NDUFAF6: variants seen among roughly 807,000 people sequenced by gnomAD.
NDUFAF6 encodes NADH:ubiquinone oxidoreductase complex assembly factor 6.
NDUFAF6 carries 45 observed loss-of-function variants against 40.8 expected under a neutral mutation model. That is an observed-to-expected ratio of 1.10 (90% CI 0.87 to 1.42). NDUFAF6 has a LOEUF of 1.42. NDUFAF6 is among the 40% of genes most tolerant of loss of function. The pLI is 0.00. For synonymous variants in NDUFAF6, 185 were observed against 155.9 expected (o/e 1.19, Z -1.39); for missense variants, 435 against 418.5 (o/e 1.04, Z -0.34).
At chr8:95,076,052 C>T (rs1429599676) in exon 10 of NDUFAF6, 2 of 167,516 alleles carry the variant, frequency 1.2e-5, no homozygotes, top group African/African-American at 4.8e-5. Context: ...TAAAAGGGCT[C>T]AATTTTTACA....
Position 94,961,525 on chromosome 8 carries a change from G to A in NDUFAF6, c.-199+3346G>A, listed in dbSNP as rs544002121. 4.7e-3 allele frequency among the ~76,000 whole-genome samples: 712 copies of A among 152,280 alleles called. 7 individuals are homozygous for A. Among genetic ancestry groups the A allele is most frequent in the Non-Finnish European group, 7.2e-3 (489 of 68,022 alleles). On this transcript the variant is annotated intron_variant, in intron 1 of 9. Transcript: ENST00000396111. The stretch of plus-strand genomic sequence containing the variant: ...CAACCTCCGCCTCCCGGGCTCCAGC[G>A]ATTTTCCTGCCTCAGCCTCCCAGGT...
chr8:94,952,872 C>T (rs1042893318), intron 2 of NDUFAF6, among the ~76,000 whole-genome samples: 13 of 152,180 alleles, frequency 8.5e-5, no homozygotes, highest in African/African-American at 2.7e-4. Context: ...AAAAAGGAGG[C>T]GGGCCCCCTT....
chr8:94,917,669 CAAAT>C (rs1326654634), intron 1 of NDUFAF6, among the ~76,000 whole-genome samples: 4 of 152,020 alleles, frequency 2.6e-5, no homozygotes, highest in African/African-American at 7.2e-5. Flanking sequence ...CAGAAAATGT[CAAAT>C]AAATGTACAA....
At chr8:94,930,656 A>G (rs1282898277) in intron 1 of NDUFAF6, 7 of 1,614,254 alleles carry the variant, frequency 4.3e-6, no homozygotes, top group Non-Finnish European at 5.9e-6. Flanking sequence ...GTTGTTCCAG[A>G]AAAGTTGTAT....
At chr8:95,034,361 C>G (rs1346585497) in intron 2 of NDUFAF6, among the ~76,000 whole-genome samples, 4 of 152,134 alleles carry the variant, frequency 2.6e-5, no homozygotes, top group African/African-American at 4.8e-5. Context: ...TGATGCAGTA[C>G]TTTTATTTGA....
At chr8:95,063,671 A>G (rs1832626608), downstream of NDUFAF6, among the ~76,000 whole-genome samples, 2 of 152,206 alleles carry the variant, frequency 1.3e-5, no homozygotes, top group African/African-American at 2.4e-5. Flanking sequence ...TTTAATCACG[A>G]TTAATCTTCC....
chr8:95,058,173 C>T lies in NDUFAF6; in HGVS notation c.*236C>T, dbSNP rs1587204275. The T allele has an allele frequency of 7.0e-7, 1 of 1,422,266 alleles. No individual in the cohort carries two copies. Among genetic ancestry groups the T allele is most frequent in the East Asian group, 2.5e-5 (1 of 39,522 alleles). The allele number at this position is 1,422,266 out of a possible 1,614,324, so 88.1% of individuals were successfully genotyped here. The stretch of plus-strand genomic sequence containing the variant: ...CCCAGACAGTGTCTGCTGTGCTGTC[C>T]CTGGAAGCTGGAGCTCCAACAGGGA... On this transcript the variant is annotated 3_prime_UTR_variant, in exon 9 of 9. Transcript: ENST00000396124.
At chr8:95,070,025 T>A (rs1213839268) in intron 9 of NDUFAF6, among the ~76,000 whole-genome samples, 1 of 151,678 alleles carries the variant, frequency 6.6e-6, no homozygotes, top group Non-Finnish European at 1.5e-5. Context: ...CCTTCACTCA[T>A]GAACTGTGTA....
chr8:94,960,305 G>A (rs1413534816), intron 1 of NDUFAF6, among the ~76,000 whole-genome samples: 1 of 152,164 alleles, frequency 6.6e-6, no homozygotes, highest in Admixed American at 6.5e-5. Flanking sequence ...GAATAGACAG[G>A]TCAAACTCCC....
intron 1 of NDUFAF6, among the ~76,000 whole-genome samples, chr8:94,904,137 G>T (rs942403300): frequency 1.3e-4 from 20 of 151,100 alleles, no homozygotes; most frequent in South Asian, 4.2e-4. Flanking sequence ...TGTTTTTGTG[G>T]TTTTTTTGTT....
chr8:94,974,858 A>C (rs1824790776), intron 1 of NDUFAF6: 1 of 153,142 alleles, frequency 6.5e-6, no homozygotes, highest in South Asian at 2.0e-4. Context: ...TGCCAGCTTC[A>C]GAAGCCTGTC....
intron 2 of NDUFAF6, among the ~76,000 whole-genome samples, chr8:94,949,587 T>A (rs1426620861): frequency 1.3e-5 from 2 of 150,778 alleles, no homozygotes; most frequent in African/African-American, 4.9e-5. Context: ...CGTGAAGGCC[T>A]GGGCGAGCGG....
At position 95,082,096 on chromosome 8, in the gene NDUFAF6, T is replaced by A. The variant is rs1481060652; in HGVS notation, n.213+6344T>A. On this transcript the variant is annotated intron_variant and non_coding_transcript_variant, in intron 2 of 5. Transcript: ENST00000523184. ...AACAACAAAAAAAAAAAAACTCCTGTTGTTAAAATCTGAAAAAGAGAGAAA... is the reference window on the plus strand; with the variant it reads ...AACAACAAAAAAAAAAAAACTCCTGATGTTAAAATCTGAAAAAGAGAGAAA... Among the ~76,000 whole-genome samples, 4 of 151,880 alleles carry A rather than the reference T, an allele frequency of 2.6e-5. 1 individual carries two copies. The South Asian group carries it at 8.3e-4, about 32-fold the overall frequency.
At chr8:95,031,229 G>A (rs1240041927) in intron 1 of NDUFAF6, among the ~76,000 whole-genome samples, 4 of 152,192 alleles carry the variant, frequency 2.6e-5, no homozygotes, top group African/African-American at 4.8e-5. Flanking sequence ...GGGAATGTGG[G>A]GTGGGGGCTG....
downstream of NDUFAF6, among the ~76,000 whole-genome samples, chr8:95,105,040 AACACACACACACAC>A (rs71569111): frequency 7.8e-6 from 1 of 128,262 alleles, no homozygotes; most frequent in African/African-American, 3.1e-5. Context: ...TGCTATGAGA[AACACACACACACAC>A]ACACACACAC....
At chr8:94,946,579 C>T (rs1164097256) in intron 2 of NDUFAF6, among the ~76,000 whole-genome samples, 4 of 151,140 alleles carry the variant, frequency 2.6e-5, no homozygotes, top group Non-Finnish European at 5.9e-5. Context: ...TGCATGTAGT[C>T]CCAGCTACCA....
chr8:94,941,108 A>C, intron 1 of NDUFAF6: 1 of 590,428 alleles, frequency 1.7e-6, no homozygotes, highest in Non-Finnish European at 3.0e-6. Flanking sequence ...TAAAACAGAA[A>C]AAGGAAGTTA....
At chr8:94,931,388 C>A (rs1267655307) in intron 1 of NDUFAF6, among the ~76,000 whole-genome samples, 1 of 151,900 alleles carries the variant, frequency 6.6e-6, no homozygotes, top group Admixed American at 6.6e-5. Flanking sequence ...CAATATAAGA[C>A]TCTTGAATAA....
At chr8:95,079,404 A>G (rs1230767276), downstream of NDUFAF6, among the ~76,000 whole-genome samples, 3 of 152,256 alleles carry the variant, frequency 2.0e-5, no homozygotes, top group African/African-American at 4.8e-5. Context: ...GTAAATGCCC[A>G]AGAATAGCAG....
Sources: allele counts gnomAD v4.1 joint callset (sites outside exome capture counted in the v4.1 genomes callset), GRCh38; gene constraint gnomAD v4.1.1; transcripts MANE v1.5; gene names NCBI Gene and HGNC (gene_info 2026-07-23, HGNC 2026-07-21).